The following HEPH variants were observed in gnomAD, a reference collection of about 807,000 sequenced individuals.
The protein encoded by HEPH is hephaestin.
A neutral mutation model predicts 80.8 loss-of-function variants in HEPH; 69 were observed. The ratio of observed to expected loss-of-function variants is 0.85; its 90% CI spans 0.70 to 1.04. The LOEUF (loss-of-function observed/expected upper bound fraction) is 1.04, where lower values mean the gene tolerates loss of function less well. Ranked by LOEUF, HEPH falls within the 50% of genes least tolerant of loss-of-function variation. HEPH has a pLI of 0.00. For missense variants in HEPH, 1,115 were observed against 891.3 expected (o/e 1.25, Z -3.20); for synonymous variants, 431 against 322.8 (o/e 1.34, Z -3.60).
intron 4 of HEPH, 61 bp downstream of exon 4, chrX:66,173,862 A>G: frequency 1.3e-5 from 11 of 854,567 alleles, no homozygotes; most frequent in Non-Finnish European, 1.8e-5. Flanking sequence ...TAGCAGTGAT[A>G]TGGTTGAACC....
chrX:66,199,698 G>C (rs2088315626), intron 11 of HEPH, among the ~76,000 whole-genome samples: 1 of 111,967 alleles, frequency 8.9e-6, no homozygotes, highest in African/African-American at 3.3e-5. Flanking sequence ...ACAATCCATG[G>C]CAACTGATAC....
At chrX:66,164,161 T>C (rs1489400804), upstream of HEPH, 1 of 732,074 alleles carries the variant, frequency 1.4e-6, no homozygotes, top group Non-Finnish European at 1.6e-6. Context: ...CCTCCTGAGA[T>C]CCTAACCAGG....
intron 4 of HEPH, among the ~76,000 whole-genome samples, chrX:66,186,530 C>T (rs951012188): frequency 6.2e-5 from 7 of 112,979 alleles, no homozygotes; most frequent in Admixed American, 4.6e-4. Context: ...TTGTGCTTCC[C>T]GGTGAGGCAA....
rs184731968 is a variant in HEPH, at chrX:66,235,109, A to G, written c.2564-19926A>G. On this transcript the variant is annotated intron_variant, in intron 15 of 20. Transcript: ENST00000343002. ...ATATTGAATATTAGACCCTTCTTGGATGCATAGTTTGCAAAACTTTTTTCA... is the reference window on the plus strand; with the variant it reads ...ATATTGAATATTAGACCCTTCTTGGGTGCATAGTTTGCAAAACTTTTTTCA... 5.5e-3 allele frequency among the ~76,000 whole-genome samples: 617 copies of G among 111,557 alleles called. 1 individual carries two copies. The highest frequency in any genetic ancestry group is 9.2e-3 in the Middle Eastern group (2 of 218).
At chrX:66,245,680 C>G (rs527618131) in intron 15 of HEPH, among the ~76,000 whole-genome samples, 7 of 111,642 alleles carry the variant, frequency 6.3e-5, no homozygotes, top group Non-Finnish European at 5.6e-5. Flanking sequence ...AATATACATT[C>G]TTTTCAGCAC....
chrX:66,209,697 G>A lies in HEPH; in HGVS notation c.2563+1451G>A, dbSNP rs185543674. ...GTGAGAAAGATAAGTATTATTGAATGATATCGGTGTTTTTGGAGAAAGATT... is the reference window on the plus strand; with the variant it reads ...GTGAGAAAGATAAGTATTATTGAATAATATCGGTGTTTTTGGAGAAAGATT... On this transcript the variant is annotated intron_variant, in intron 15 of 20. Transcript: ENST00000343002. Among the ~76,000 whole-genome samples, 4 of 112,083 alleles carry A rather than the reference G, an allele frequency of 3.6e-5. No homozygotes were observed. The East Asian group carries it at 1.1e-3, about 31-fold the overall frequency.
At chrX:66,252,910 T>C (rs947069413) in intron 15 of HEPH, among the ~76,000 whole-genome samples, 3 of 112,297 alleles carry the variant, frequency 2.7e-5, no homozygotes, top group African/African-American at 9.7e-5. Context: ...CATGCAAAAC[T>C]ATGAAGTTGG....
At chrX:66,239,617 C>A (rs1443612326) in intron 15 of HEPH, among the ~76,000 whole-genome samples, 1 of 111,762 alleles carries the variant, frequency 8.9e-6, no homozygotes, top group Non-Finnish European at 1.9e-5. Context: ...GCATGATTCT[C>A]AGCCAGAGAA....
chrX:66,172,343 C>T lies in HEPH; in HGVS notation c.168-12C>T. ...GGGGGGCAAAATTATGACTCTTTTT[C>T]TTCTTTCCCAGAGTGGCTTCCAGCT... On this transcript the variant is annotated splice_polypyrimidine_tract_variant and intron_variant, in intron 2 of 20. Coordinates refer to ENST00000343002, the MANE Select transcript of HEPH (RefSeq NM_001367233.3). 8.5e-7 allele frequency: 1 copy of T among 1,175,040 alleles called. No individual in the cohort carries two copies. The highest frequency in any genetic ancestry group is 2.4e-5 in the Admixed American group (1 of 41,037).
intron 15 of HEPH, among the ~76,000 whole-genome samples, chrX:66,236,304 T>C (rs1468136370): frequency 2.7e-5 from 3 of 111,665 alleles, no homozygotes; most frequent in Non-Finnish European, 3.8e-5. Context: ...ACCTAGTTTA[T>C]TGAGAGTTTT....
chrX:66,226,308 G>GAA, intron 15 of HEPH, among the ~76,000 whole-genome samples: 1 of 111,554 alleles, frequency 9.0e-6, no homozygotes, highest in South Asian at 3.7e-4. Flanking sequence ...CTTACTAAGA[G>GAA]AAAAGTTTAA....
chrX:66,258,985 C>A lies in HEPH; in HGVS notation c.3036+6C>A. Reference sequence around the variant, plus strand: ...CAGAGAGCTTCCTCTATCGGGTGAGCTGGAAAATGGGCTGAGTCCCTCAAG... The same window carrying A: ...CAGAGAGCTTCCTCTATCGGGTGAGATGGAAAATGGGCTGAGTCCCTCAAG... On this transcript the variant is annotated splice_donor_region_variant and intron_variant, in intron 18 of 20. Coordinates refer to ENST00000343002, the MANE Select transcript of HEPH (RefSeq NM_001367233.3). 1 of 1,193,999 alleles carries A rather than the reference C, an allele frequency of 8.4e-7. No homozygotes were observed. Among genetic ancestry groups the A allele is most frequent in the Admixed American group, 2.3e-5 (1 of 42,983 alleles).
downstream of HEPH, chrX:66,268,215 C>T (rs2091581970): frequency 8.9e-6 from 1 of 112,116 alleles, no homozygotes; most frequent in African/African-American, 3.2e-5. Context: ...TAATCTCCAT[C>T]CACCTTACCC....
At chrX:66,241,314 C>G (rs1015125211) in intron 15 of HEPH, among the ~76,000 whole-genome samples, 1 of 111,509 alleles carries the variant, frequency 9.0e-6, no homozygotes, top group Non-Finnish European at 1.9e-5. Context: ...CATGGAGTGG[C>G]AAGTTGGATA....
At chrX:66,180,268 A>C (rs1250721514) in intron 4 of HEPH, among the ~76,000 whole-genome samples, 2 of 110,773 alleles carry the variant, frequency 1.8e-5, no homozygotes, top group African/African-American at 6.6e-5. Context: ...CAAGATTTAG[A>C]GCTCCTTTTA....
chrX:66,212,557 A>G (rs965010524), intron 15 of HEPH, among the ~76,000 whole-genome samples: 2 of 111,751 alleles, frequency 1.8e-5, no homozygotes, highest in Admixed American at 9.5e-5. Context: ...TCTCAGCACT[A>G]TTTATTAAAG....
chrX:66,262,332 G>A lies in HEPH; in HGVS notation c.3200-1312G>A, dbSNP rs1456805. Among the ~76,000 whole-genome samples, 308 of 111,812 alleles carry A rather than the reference G, an allele frequency of 2.8e-3. 1 individual carries two copies. The highest frequency in any genetic ancestry group is 9.7e-3 in the African/African-American group (300 of 30,822). ...AGAAGAAAGAAGACAGAAAATATAA[G>A]GATCAATGTGTAGGTTTGACCAGGG... On this transcript the variant is annotated intron_variant, in intron 19 of 20. Coordinates refer to ENST00000343002, the MANE Select transcript of HEPH (RefSeq NM_001367233.3).
At chrX:66,228,986 CTAGAAG>C (rs1279700921) in intron 15 of HEPH, among the ~76,000 whole-genome samples, 4 of 112,425 alleles carry the variant, frequency 3.6e-5, no homozygotes, top group Non-Finnish European at 5.6e-5. Context: ...CCTTAAAGAA[CTAGAAG>C]TAGAACTACC....
chrX:66,232,469 T>A (rs1373674527), intron 15 of HEPH, among the ~76,000 whole-genome samples: 1 of 111,780 alleles, frequency 8.9e-6, no homozygotes, highest in Admixed American at 9.6e-5. Flanking sequence ...ATTGAAAATA[T>A]GTAATATCTG....
Sources: allele counts gnomAD v4.1 joint callset (sites outside exome capture counted in the v4.1 genomes callset), GRCh38; gene constraint gnomAD v4.1.1; transcripts MANE v1.5; gene names NCBI Gene and HGNC (gene_info 2026-07-23, HGNC 2026-07-21).